Variants in PLS1 observed in about 807,000 individuals in gnomAD.
PLS1 encodes the protein plastin 1, also known as plastin-1.
In PLS1, 32 loss-of-function variants were observed where a neutral mutation model predicts 73.7. The observed-to-expected ratio is 0.43, with a 90% CI of 0.33 to 0.58. The LOEUF is 0.58. PLS1 is among the 20% of genes least tolerant of loss of function. PLS1 has a pLI of 0.04. For missense variants in PLS1, 633 were observed against 740.5 expected, an observed-to-expected ratio of 0.85 and a Z score of 1.68; for synonymous variants, 217 against 261.3, an observed-to-expected ratio of 0.83 and a Z score of 1.63.
intron 10 of PLS1, among the ~76,000 whole-genome samples, chr3:142,691,515 T>G (rs1014697533): frequency 3.3e-5 from 5 of 152,196 alleles, no homozygotes; most frequent in African/African-American, 9.6e-5. Flanking sequence ...TCCAACTTGC[T>G]CGCTTTCTTA....
At chr3:142,681,284 G>A (rs751269098) in intron 6 of PLS1, among the ~76,000 whole-genome samples, 1 of 151,868 alleles carries the variant, frequency 6.6e-6, no homozygotes, top group Non-Finnish European at 1.5e-5. Context: ...ACCAAAAAAA[G>A]GTCATGTATA....
At chr3:142,700,480 G>A (rs764981419) in intron 12 of PLS1, among the ~76,000 whole-genome samples, 2 of 151,908 alleles carry the variant, frequency 1.3e-5, no homozygotes, top group South Asian at 2.1e-4. Context: ...CCGCCACCAC[G>A]CTCGGCTAAT....
intron 1 of PLS1, among the ~76,000 whole-genome samples, chr3:142,662,242 G>T (rs1274133920): frequency 6.6e-6 from 1 of 152,100 alleles, no homozygotes; most frequent in African/African-American, 2.4e-5. Context: ...CCATAAAAAA[G>T]GATGAGTTCA....
At chr3:142,707,369 A>G (rs939524555) in intron 14 of PLS1, among the ~76,000 whole-genome samples, 3 of 152,056 alleles carry the variant, frequency 2.0e-5, no homozygotes, top group African/African-American at 7.3e-5. Context: ...TTCCCTTGCT[A>G]AGAAGACAGA....
chr3:142,638,270 G>A (rs1264821797), intron 1 of PLS1, among the ~76,000 whole-genome samples: 2 of 152,170 alleles, frequency 1.3e-5, no homozygotes, highest in South Asian at 2.1e-4. Flanking sequence ...GATCCAGAGA[G>A]GTCAGATACC....
At chr3:142,597,608 A>G (rs1010485862) in intron 1 of PLS1, among the ~76,000 whole-genome samples, 8 of 152,162 alleles carry the variant, frequency 5.3e-5, no homozygotes, top group African/African-American at 1.9e-4. Context: ...CAGCTGGTCT[A>G]GTTTTGGCTG....
chr3:142,659,524 T>C (rs893929154), intron 1 of PLS1, among the ~76,000 whole-genome samples: 24 of 152,168 alleles, frequency 1.6e-4, no homozygotes, highest in African/African-American at 5.5e-4. Flanking sequence ...AAAATTGCCT[T>C]TGCTTTTCAG....
chr3:142,709,157 A>C (rs962163489), intron 14 of PLS1, among the ~76,000 whole-genome samples: 9 of 152,238 alleles, frequency 5.9e-5, no homozygotes, highest in Non-Finnish European at 2.9e-5. Context: ...AATACAGTAC[A>C]CATTTAGAGT....
chr3:142,675,258 T>C (rs1487705238), intron 4 of PLS1, among the ~76,000 whole-genome samples: 1 of 152,240 alleles, frequency 6.6e-6, no homozygotes, highest in African/African-American at 2.4e-5. Context: ...TTCTGACTCA[T>C]TAGCTTTCAG....
intron 1 of PLS1, among the ~76,000 whole-genome samples, chr3:142,659,759 T>G (rs1424569958): frequency 6.6e-6 from 1 of 151,752 alleles, no homozygotes; most frequent in Non-Finnish European, 1.5e-5. Context: ...TGCAATGGCG[T>G]GATCTTGGCT....
At chr3:142,611,065 G>A (rs2036112791) in intron 1 of PLS1, among the ~76,000 whole-genome samples, 1 of 152,200 alleles carries the variant, frequency 6.6e-6, no homozygotes, top group Non-Finnish European at 1.5e-5. Context: ...ATATGTTCAC[G>A]AATAAGCATA....
chr3:142,696,441 C>CA (rs2038205176), intron 11 of PLS1, among the ~76,000 whole-genome samples: 1 of 152,032 alleles, frequency 6.6e-6, no homozygotes, highest in South Asian at 2.1e-4. Context: ...TGTAGAAGAA[C>CA]AATAGGTGGA....
chr3:142,711,361 C>G (rs1345119903), intron 14 of PLS1, 140 bp from the exon 15 acceptor site: 1 of 537,620 alleles, frequency 1.9e-6, no homozygotes, highest in East Asian at 2.8e-5. Flanking sequence ...TTTATGTGTG[C>G]TGGTTGCAGA....
intron 1 of PLS1, among the ~76,000 whole-genome samples, chr3:142,629,812 C>A (rs2036514413): frequency 6.6e-6 from 1 of 152,156 alleles, no homozygotes; most frequent in Non-Finnish European, 1.5e-5. Flanking sequence ...CTTGATAATT[C>A]TTTGTTTTAA....
intron 1 of PLS1, among the ~76,000 whole-genome samples, chr3:142,659,694 T>G (rs1248686138): frequency 2.0e-5 from 3 of 151,642 alleles, no homozygotes; most frequent in Non-Finnish European, 4.4e-5. Flanking sequence ...TTGTTGTTGT[T>G]TTGTTTTGTT....
chr3:142,604,609 T>C (rs767278880), intron 1 of PLS1, among the ~76,000 whole-genome samples: 1 of 152,186 alleles, frequency 6.6e-6, no homozygotes, highest in Non-Finnish European at 1.5e-5. Flanking sequence ...ATTTGCTTGA[T>C]CCCTTTCTTA....
intron 1 of PLS1, among the ~76,000 whole-genome samples, chr3:142,657,570 C>G (rs544393640): frequency 7.4e-4 from 112 of 152,306 alleles, no homozygotes; most frequent in African/African-American, 2.5e-3. Flanking sequence ...TTGCTGCAAC[C>G]TCCCCACCTC....
intron 1 of PLS1, among the ~76,000 whole-genome samples, chr3:142,618,443 G>C (rs531022898): frequency 2.0e-5 from 3 of 152,316 alleles, no homozygotes; most frequent in Non-Finnish European, 2.9e-5. Flanking sequence ...TTATCTTACA[G>C]TTCTGTAGGT....
At chr3:142,663,404 C>G (rs2037413385) in intron 1 of PLS1, among the ~76,000 whole-genome samples, 1 of 152,074 alleles carries the variant, frequency 6.6e-6, no homozygotes, top group Non-Finnish European at 1.5e-5. Flanking sequence ...ATAATTTTTT[C>G]CTCTTTAGTT....
Sources: gnomAD v4.1 joint callset for allele counts (sites outside exome capture counted in the v4.1 genomes callset) on GRCh38, gnomAD v4.1.1 for gene constraint, MANE v1.5 for transcripts, NCBI Gene and HGNC (gene_info 2026-07-23, HGNC 2026-07-21) for gene names.